FLII: variants seen among roughly 807,000 people sequenced by gnomAD.
FLII encodes FLII actin remodeling protein, also known as protein flightless-1 homolog.
In FLII, 101 loss-of-function variants were observed where a neutral mutation model predicts 156.2. The observed-to-expected ratio is 0.65, with a 90% CI of 0.55 to 0.76. The LOEUF (loss-of-function observed/expected upper bound fraction) is 0.76, where lower values mean the gene tolerates loss of function less well. FLII is among the 30% of genes least tolerant of loss of function. The pLI, the probability that FLII is intolerant of heterozygous loss-of-function variation, is 0.00. For synonymous variants in FLII, 767 were observed against 685.8 expected, an observed-to-expected ratio of 1.12 and a Z score of -1.85; for missense variants, 1,675 against 1,682.8, an observed-to-expected ratio of 1.00 and a Z score of 0.08.
At position 18,247,183 on chromosome 17, in the gene FLII, T is replaced by A. The variant is rs142494222; in HGVS notation, c.2662A>T (p.Met888Leu). 5.1e-6 allele frequency: 7 copies of A among 1,380,892 alleles called. 1 individual carries two copies. The Admixed American group carries it at 9.0e-5, about 18-fold the overall frequency. The allele number at this position is 1,380,892 out of a possible 1,614,324, so 85.5% of individuals were successfully genotyped here. Residue 888 changes from methionine (M) to leucine (L), a missense_variant, in exon 21 of 30, where the codon ATG (methionine) becomes TTG (leucine). Met to Leu is a conservative substitution (Grantham distance 15). Transcript: ENST00000327031. ...TALFLPRQPP[M>L]SLAEAEQLME... ...CCTGCCCCCACCTCGGCCAGCGACA[T>A]GGGCGGCTGCCGCGGCAGGAAAAGC...
At chr17:18,252,262 G>A in intron 10 of FLII, 116 bp from the exon 11 acceptor site, 1 of 1,030,296 alleles carries the variant, frequency 9.7e-7, no homozygotes, top group South Asian at 1.4e-5. Context: ...AGGGAACTGG[G>A]TTCTCCTCCC....
At chr17:18,254,381 G>A in intron 6 of FLII, 140 bp downstream of exon 6, 2 of 875,148 alleles carry the variant, frequency 2.3e-6, no homozygotes, top group Non-Finnish European at 3.4e-6. Context: ...ATACTTAGGA[G>A]GTTGTACACT....
chr17:18,255,616 G>A (rs2048391686), intron 3 of FLII, among the ~76,000 whole-genome samples: 1 of 152,298 alleles, frequency 6.6e-6, no homozygotes. Context: ...GGACCACAGA[G>A]AAATCAGAAT....
In FLII at chr17:18,247,324, C is replaced by A; in HGVS notation, c.2521G>T (p.Val841Leu). The A allele has an allele frequency of 6.2e-7, 1 of 1,609,200 alleles. No individual in the cohort carries two copies. Among genetic ancestry groups the A allele is most frequent in the Non-Finnish European group, 8.5e-7 (1 of 1,178,470 alleles). The change falls in exon 21 of 30, where the codon GTG becomes TTG. Residue 841 changes from valine (V) to leucine (L), a missense_variant. Val to Leu is a conservative substitution (Grantham distance 32, BLOSUM62 1). This residue lies in a region of FLII where 1,332 missense variants were observed against 1,269.3 expected (regional missense o/e 1.05). Transcript: ENST00000327031. ...TTGCGTGTGTAGTCCACCGTCAACA[C>A]ATCGTCCCAATTCTTGAACTTGGCC... Reference protein sequence around the residue: ...FKAKFKNWDDVLTVDYTRNAE... With the variant: ...FKAKFKNWDDLLTVDYTRNAE...
intron 2 of FLII, 83 bp from the exon 3 acceptor site, chr17:18,256,680 C>T (rs2048428148): frequency 1.6e-6 from 2 of 1,267,426 alleles, no homozygotes; most frequent in East Asian, 5.1e-5. Flanking sequence ...TCTGCACCAT[C>T]CAGGAAGGCC....
intron 1 of FLII, among the ~76,000 whole-genome samples, chr17:18,257,986 G>C (rs935657811): frequency 1.3e-5 from 2 of 152,112 alleles, no homozygotes; most frequent in Admixed American, 6.5e-5. Flanking sequence ...GCTGGGCTCC[G>C]GTCCCTTTTC....
rs2048381578 is a variant in FLII at position 18,255,282 on chromosome 17, A to G, written c.247-19T>C. The G allele has an allele frequency of 6.2e-7, 1 of 1,602,856 alleles. No individual in the cohort carries two copies. The highest frequency in any genetic ancestry group is 1.3e-5 in the African/African-American group (1 of 74,730). On this transcript the variant is annotated intron_variant, in intron 3 of 29. Coordinates refer to ENST00000327031, the MANE Select transcript of FLII (RefSeq NM_002018.4). ...CGATGGCCTGGGAATAAACCATAAG[A>G]GTCTATAATTCCTGGCTTCCACTCT...
intron 27 of FLII, 40 bp from the exon 28 acceptor site, chr17:18,245,700 C>T (rs376806960): frequency 1.2e-6 from 2 of 1,611,924 alleles, no homozygotes; most frequent in African/African-American, 2.7e-5. Context: ...AGGTCATAAG[C>T]AGCAGTGCCA....
intron 12 of FLII, 91 bp downstream of exon 12, chr17:18,251,589 C>A: frequency 6.3e-7 from 1 of 1,587,250 alleles, no homozygotes. Context: ...TGCCCAGCAC[C>A]CCCCGTCCCT....
Position 18,246,847 on chromosome 17 carries a change from G to T in FLII, c.2817-19C>A, listed in dbSNP as rs1474454975. 2.5e-6 allele frequency: 4 copies of T among 1,613,954 alleles called. No homozygotes were observed. The highest frequency in any genetic ancestry group is 2.5e-6 in the Non-Finnish European group (3 of 1,179,878). On this transcript the variant is annotated intron_variant, in intron 22 of 29. Transcript: ENST00000327031. Reference sequence around the variant, plus strand: ...CCAGTACCTGCCGGGTTGGAAGGTTGTGAGCAGGGGCTCGAGCCCCCAGCA... The same window carrying T: ...CCAGTACCTGCCGGGTTGGAAGGTTTTGAGCAGGGGCTCGAGCCCCCAGCA...
intron 2 of FLII, 43 bp downstream of exon 2, chr17:18,256,866 C>G (rs1004274070): frequency 2.2e-6 from 3 of 1,339,914 alleles, no homozygotes; most frequent in Admixed American, 2.0e-5. Flanking sequence ...GCCCACCTGG[C>G]TCATCCACAG....
In FLII at chr17:18,254,558, C is replaced by T. The variant is rs762944013; in HGVS notation, c.538G>A (p.Val180Met). 8 of 1,613,204 alleles carry T rather than the reference C, an allele frequency of 5.0e-6. No homozygotes were observed. Among genetic ancestry groups the T allele is most frequent in the Middle Eastern group, 1.7e-4 (1 of 6,060 alleles). Reference sequence around the variant, plus strand: ...TGCAGCAGGGGGTTTCCATTGAGCACGAGCGTCTGCAGGTGCACCAGGCGG... The same window carrying T: ...TGCAGCAGGGGGTTTCCATTGAGCATGAGCGTCTGCAGGTGCACCAGGCGG... Reference protein sequence around the residue: ...MRRLVHLQTLVLNGNPLLHAQ... With the variant: ...MRRLVHLQTLMLNGNPLLHAQ... Residue 180 changes from valine (V) to methionine (M), a missense_variant, in exon 6 of 30, where the codon GTG (valine) becomes ATG (methionine). This residue lies in a region of FLII where 343 missense variants were observed against 413.5 expected (regional missense o/e 0.83). Transcript: ENST00000327031.
chr17:18,248,693 C>T lies in FLII; in HGVS notation c.2047G>A (p.Glu683Lys). 1 of 1,613,790 alleles carries T rather than the reference C, an allele frequency of 6.2e-7. No homozygotes were observed. Among genetic ancestry groups the T allele is most frequent in the Non-Finnish European group, 8.5e-7 (1 of 1,179,722 alleles). Residue 683 changes from glutamate (E) to lysine (K), a missense_variant, in exon 18 of 30, where the codon GAG (glutamate) becomes AAG (lysine). By Grantham distance (56) the Glu-to-Lys change is moderately conservative. Around this residue, in one of 2 missense-constraint regions of FLII, gnomAD observed 1,332 missense variants for 1,269.3 expected, o/e 1.05. Transcript: ENST00000327031. ...GTGATCTCAGCCTTCCCTTTCCGCT[C>T]ATTCTTGTTAATTTTCTCTGCAAAG... ...RLFAEKINKN[E>K]RKGKAEITLL...
rs2048142701 is a variant in FLII at position 18,247,988 on chromosome 17, T to G, written c.2236A>C (p.Lys746Gln). 6.2e-7 allele frequency: 1 copy of G among 1,613,900 alleles called. No individual in the cohort carries two copies. Among genetic ancestry groups the G allele is most frequent in the Non-Finnish European group, 8.5e-7 (1 of 1,179,972 alleles). The stretch of plus-strand genomic sequence containing the variant: ...CGCTGCTTATGTTCCACGGAGAGCT[T>G]GTAGTTGATCTGTGGCAGCTCCAGG... Reference protein sequence around the residue: ...GYLELPQINYKLSVEHKQRPK... With the variant: ...GYLELPQINYQLSVEHKQRPK... The change falls in exon 19 of 30, where the codon AAG becomes CAG. Residue 746 changes from lysine to glutamine, a missense_variant. Around this residue, in one of 2 missense-constraint regions of FLII, gnomAD observed 1,332 missense variants for 1,269.3 expected, o/e 1.05. Transcript: ENST00000327031.
rs763401145 is a variant in FLII at position 18,245,361 on chromosome 17, G to A, written c.3668C>T (p.Ala1223Val). The change falls in exon 29 of 30, where the codon GCC becomes GTC. Residue 1223 changes from alanine to valine, a missense_variant. By Grantham distance (64) the Ala-to-Val change is moderately conservative. Around this residue, in one of 2 missense-constraint regions of FLII, gnomAD observed 1,332 missense variants for 1,269.3 expected, o/e 1.05. Transcript: ENST00000327031. The part of the protein sequence containing the change: ...SQVEIKLSLK[A>V]CQVYIQHMRS... ...TCCCTCCACCCAGATTACCTGGCAG[G>A]CCTTCAGGCTCAGCTTGATCTCCAC... 1.7e-5 allele frequency: 27 copies of A among 1,614,080 alleles called. No individual in the cohort carries two copies. Among genetic ancestry groups the A allele is most frequent in the Non-Finnish European group, 2.3e-5 (27 of 1,180,026 alleles).
chr17:18,245,707 G>A, intron 27 of FLII, 37 bp downstream of exon 27: 2 of 1,611,180 alleles, frequency 1.2e-6, no homozygotes, highest in Admixed American at 1.7e-5. Flanking sequence ...AAGCAGCAGT[G>A]CCAGGACTGA....
At chr17:18,248,109 AC>A in intron 18 of FLII, 76 bp from the exon 19 acceptor site, 2 of 1,016,494 alleles carry the variant, frequency 2.0e-6, no homozygotes, top group Non-Finnish European at 3.0e-6. Flanking sequence ...CTGCTCTGGA[AC>A]CAGCCCTGCC....
chr17:18,258,563 G>A lies in FLII; in HGVS notation c.63+65C>T. On this transcript the variant is annotated intron_variant, in intron 1 of 29. Coordinates refer to ENST00000327031, the MANE Select transcript of FLII (RefSeq NM_002018.4). This position sits in a 1 kb window ranked among gnomAD's most constrained non-coding sequence, Gnocchi z 4.2. ...GAGCCGAGCGGGACAGGAAGCGGAG[G>A]CCAAGCGGGCCGGGCGGAAGAGAAG... 1.3e-6 allele frequency: 2 copies of A among 1,522,610 alleles called. No individual in the cohort carries two copies. Among genetic ancestry groups the A allele is most frequent in the Middle Eastern group, 3.8e-4 (2 of 5,250 alleles). 94.3% of individuals were successfully genotyped at this position (1,522,610 alleles called of 1,614,324 possible). A position where few individuals can be genotyped will look rare whatever the true frequency, so the allele number is the denominator to read the frequency against.
chr17:18,246,940 G>A lies in FLII; in HGVS notation c.2789C>T (p.Thr930Met), dbSNP rs1310662929. The part of the protein sequence containing the change: ...LPEEEFGHFY[T>M]QDCYVFLCRY... ...GCAGAGGAAGACGTAGCAGTCCTGC[G>A]TGTAGAAGTGGCCAAACTCCTCTTC... The change falls in exon 22 of 30, where the codon ACG (threonine) becomes ATG (methionine). Residue 930 changes from threonine (T) to methionine (M), a missense_variant. By Grantham distance (81) the Thr-to-Met change is moderately conservative. This residue lies in a region of FLII where 1,332 missense variants were observed against 1,269.3 expected (regional missense o/e 1.05). Coordinates refer to ENST00000327031, the MANE Select transcript of FLII (RefSeq NM_002018.4). 2.5e-6 allele frequency: 4 copies of A among 1,614,056 alleles called. No individual in the cohort carries two copies. The highest frequency in any genetic ancestry group is 1.3e-5 in the African/African-American group (1 of 74,924).
Sources: gnomAD v4.1 joint callset for allele counts (sites outside exome capture counted in the v4.1 genomes callset) on GRCh38, gnomAD v4.1.1 for gene constraint, gnomAD v4.1.1 regional missense constraint, Gnocchi (gnomAD v3.1) non-coding constraint, MANE v1.5 for transcripts, NCBI Gene and HGNC (gene_info 2026-07-23, HGNC 2026-07-21) for gene names.